The following PLCL1 variants were observed in gnomAD, a reference collection of about 807,000 sequenced individuals.
PLCL1 encodes the protein phospholipase C like 1 (inactive).
A neutral mutation model predicts 84.4 loss-of-function variants in PLCL1; 41 were observed. The ratio of observed to expected loss-of-function variants is 0.49; its 90% CI spans 0.38 to 0.63. The LOEUF is 0.63. PLCL1 is among the 30% of genes least tolerant of loss of function. The pLI is 0.00. For synonymous variants in PLCL1, 490 were observed against 488.3 expected (o/e 1.00, Z -0.05); for missense variants, 1,206 against 1,367.8 (o/e 0.88, Z 1.87).
chr2:197,824,396 G>A (rs1690885051), intron 1 of PLCL1, among the ~76,000 whole-genome samples: 1 of 151,424 alleles, frequency 6.6e-6, no homozygotes, highest in African/African-American at 2.4e-5. Flanking sequence ...GGCCATTTTG[G>A]TAAAATTTGT....
chr2:197,834,786 A>G (rs558283595), intron 1 of PLCL1, among the ~76,000 whole-genome samples: 1 of 152,342 alleles, frequency 6.6e-6, no homozygotes, highest in South Asian at 2.1e-4. Flanking sequence ...TGACCCAGCA[A>G]TCCCATTACT....
At chr2:197,961,301 A>AT (rs538387056) in intron 1 of PLCL1, among the ~76,000 whole-genome samples, 1 of 150,972 alleles carries the variant, frequency 6.6e-6, no homozygotes, top group African/African-American at 2.4e-5. Flanking sequence ...CTAACATTAG[A>AT]TTTTTTGCTT....
chr2:198,089,275 T>C lies in PLCL1; in HGVS notation c.2919+214T>C, dbSNP rs571388128. On this transcript the variant is annotated intron_variant, in intron 3 of 5. Transcript: ENST00000428675. Reference sequence around the variant, plus strand: ...CTTGAACCTGGAGCTGCACAGGTTATAAGTGGAAAACTCTGCTTTAGCAAG... The same window carrying C: ...CTTGAACCTGGAGCTGCACAGGTTACAAGTGGAAAACTCTGCTTTAGCAAG... Among the ~76,000 whole-genome samples, 6 of 152,290 alleles carry C rather than the reference T, an allele frequency of 3.9e-5. No homozygotes were observed. In the East Asian group the frequency reaches 1.2e-3, roughly 29 times the overall value.
At chr2:198,075,213 G>C (rs1692550711) in intron 1 of PLCL1, among the ~76,000 whole-genome samples, 2 of 152,138 alleles carry the variant, frequency 1.3e-5, no homozygotes, top group African/African-American at 2.4e-5. Flanking sequence ...ATCGTATCTC[G>C]GTCTCCAAGC....
At chr2:197,812,600 C>T (rs1690609788) in intron 1 of PLCL1, among the ~76,000 whole-genome samples, 2 of 152,098 alleles carry the variant, frequency 1.3e-5, no homozygotes, top group Non-Finnish European at 2.9e-5. Flanking sequence ...CTTTCAAAAG[C>T]CTTTTAAAGA....
At chr2:197,831,165 C>T (rs1327835503) in intron 1 of PLCL1, among the ~76,000 whole-genome samples, 2 of 152,068 alleles carry the variant, frequency 1.3e-5, no homozygotes, top group African/African-American at 4.8e-5. Flanking sequence ...TCACACAAAA[C>T]AATATTAACT....
intron 1 of PLCL1, among the ~76,000 whole-genome samples, chr2:198,067,391 G>A (rs936168407): frequency 2.6e-5 from 4 of 152,044 alleles, no homozygotes; most frequent in African/African-American, 7.2e-5. Context: ...GCCTCCCAAA[G>A]TGTTGGGATT....
intron 1 of PLCL1, among the ~76,000 whole-genome samples, chr2:197,989,825 A>C (rs1458111979): frequency 6.6e-6 from 1 of 152,188 alleles, no homozygotes; most frequent in Admixed American, 6.5e-5. Flanking sequence ...TGCTCAGGAG[A>C]GAATCAAAAC....
chr2:198,048,739 C>A (rs1691862590), intron 1 of PLCL1, among the ~76,000 whole-genome samples: 1 of 152,196 alleles, frequency 6.6e-6, no homozygotes, highest in Non-Finnish European at 1.5e-5. Context: ...TCCCACTAGG[C>A]CCCATCTCCA....
intron 1 of PLCL1, among the ~76,000 whole-genome samples, chr2:198,072,705 G>A (rs908411584): frequency 2.0e-5 from 3 of 151,970 alleles, no homozygotes; most frequent in African/African-American, 7.2e-5. Context: ...TATTTTGTCA[G>A]ATGTCTTTGG....
chr2:197,923,905 C>G (rs542165309), intron 1 of PLCL1, among the ~76,000 whole-genome samples: 1 of 150,840 alleles, frequency 6.6e-6, no homozygotes. Flanking sequence ...TCTGCAATCC[C>G]GGCACCTCGG....
intron 1 of PLCL1, among the ~76,000 whole-genome samples, chr2:197,890,818 T>A (rs975277598): frequency 6.5e-5 from 2 of 30,844 alleles, no homozygotes; most frequent in Admixed American, 4.9e-4. Flanking sequence ...TATATGTGTA[T>A]ATATACATAT....
At chr2:197,905,244 C>T (rs577817551) in intron 1 of PLCL1, among the ~76,000 whole-genome samples, 10 of 152,316 alleles carry the variant, frequency 6.6e-5, no homozygotes, top group African/African-American at 2.4e-4. Context: ...TATCCCTCCC[C>T]TAGCACCCTA....
At chr2:198,051,923 T>A (rs1691941888) in intron 1 of PLCL1, among the ~76,000 whole-genome samples, 1 of 150,952 alleles carries the variant, frequency 6.6e-6, no homozygotes, top group Admixed American at 6.6e-5. Flanking sequence ...TATTATTATT[T>A]TTTGAGACCG....
chr2:197,834,666 T>C (rs182253255), intron 1 of PLCL1, among the ~76,000 whole-genome samples: 30 of 152,240 alleles, frequency 2.0e-4, no homozygotes, highest in East Asian at 5.8e-4. Flanking sequence ...CTGCAGAGGA[T>C]ATGGAGAAAT....
chr2:197,836,446 C>CA (rs35510400), intron 1 of PLCL1, among the ~76,000 whole-genome samples: 18,022 of 34,486 alleles, frequency 0.52, 6,406 homozygotes, highest in East Asian at 0.81. Context: ...GACTCCGTCT[C>CA]AAAAAAAAAA....
At chr2:198,010,034 C>T (rs961084193) in intron 1 of PLCL1, among the ~76,000 whole-genome samples, 7 of 151,928 alleles carry the variant, frequency 4.6e-5, no homozygotes, top group African/African-American at 1.4e-4. Flanking sequence ...GATTTTGAAT[C>T]CTGCAAACTT....
In PLCL1 at chr2:197,989,068, A is replaced by C. The variant is rs1559066270; in HGVS notation, c.241-94690A>C. On this transcript the variant is annotated intron_variant, in intron 1 of 5. Transcript: ENST00000428675. ...GGACTTGCAAAAAATAACTATAATAAACAATGAAGAGTAGAAATTCTTGTT... is the reference window on the plus strand; with the variant it reads ...GGACTTGCAAAAAATAACTATAATACACAATGAAGAGTAGAAATTCTTGTT... Among the ~76,000 whole-genome samples the C allele has an allele frequency of 2.0e-5, 3 of 152,334 alleles. No homozygotes were observed. In the Middle Eastern group the frequency reaches 0.01, roughly 518 times the overall value.
chr2:197,893,434 T>G (rs1688069409), intron 1 of PLCL1, among the ~76,000 whole-genome samples: 1 of 152,224 alleles, frequency 6.6e-6, no homozygotes, highest in Non-Finnish European at 1.5e-5. Context: ...ACAGGGAGCA[T>G]AATACATTCA....
Sources: gnomAD v4.1 joint callset for allele counts (sites outside exome capture counted in the v4.1 genomes callset) on GRCh38, gnomAD v4.1.1 for gene constraint, MANE v1.5 for transcripts, NCBI Gene and HGNC (gene_info 2026-07-23, HGNC 2026-07-21) for gene names.